The following C1GALT1 variants were observed in gnomAD, a reference collection of about 807,000 sequenced individuals.
The protein encoded by C1GALT1 is glycoprotein-N-acetylgalactosamine 3-beta-galactosyltransferase 1.
In C1GALT1, 11 loss-of-function variants were observed where a neutral mutation model predicts 31.0. The ratio of observed to expected loss-of-function variants is 0.36; its 90% CI spans 0.22 to 0.59. The LOEUF is 0.59. Among genes scored for constraint, C1GALT1 ranks in the 20% least tolerant of loss-of-function variants. C1GALT1 has a pLI of 0.79. For synonymous variants in C1GALT1, 175 were observed against 143.6 expected, an observed-to-expected ratio of 1.22 and a Z score of -1.56; for missense variants, 424 against 425.2, an observed-to-expected ratio of 1.00 and a Z score of 0.03.
At chr7:7,219,889 T>C (rs1278826324) in intron 1 of C1GALT1, among the ~76,000 whole-genome samples, 1 of 152,208 alleles carries the variant, frequency 6.6e-6, no homozygotes, top group Non-Finnish European at 1.5e-5. Flanking sequence ...CTAATATGTT[T>C]TCATAATAAA....
At chr7:7,164,468 A>T (rs902692881) in intron 2 of C1GALT1, among the ~76,000 whole-genome samples, 2 of 152,142 alleles carry the variant, frequency 1.3e-5, no homozygotes, top group Admixed American at 6.6e-5. Context: ...CTTGCTTTAC[A>T]TTTTGCCATA....
chr7:7,174,285 T>A (rs745763911), intron 2 of C1GALT1, among the ~76,000 whole-genome samples: 1 of 152,220 alleles, frequency 6.6e-6, no homozygotes, highest in Non-Finnish European at 1.5e-5. Flanking sequence ...CGCATCTTGG[T>A]TACTTTCAAG....
intron 1 of C1GALT1, among the ~76,000 whole-genome samples, chr7:7,189,943 T>C (rs927719167): frequency 1.3e-5 from 2 of 152,198 alleles, no homozygotes; most frequent in Non-Finnish European, 2.9e-5. Flanking sequence ...ACCTTTTTCT[T>C]GATTTGAAAT....
At chr7:7,197,053 C>T (rs1781321700) in intron 1 of C1GALT1, among the ~76,000 whole-genome samples, 1 of 152,130 alleles carries the variant, frequency 6.6e-6, no homozygotes, top group African/African-American at 2.4e-5. Context: ...TTAATTAGAT[C>T]CCATTTGTCT....
At chr7:7,191,393 C>T (rs79765452) in intron 1 of C1GALT1, among the ~76,000 whole-genome samples, 4,999 of 152,180 alleles carry the variant, frequency 0.033, 182 homozygotes, top group African/African-American at 0.091. Flanking sequence ...CCTCAGTGAA[C>T]ACGTGGTTTG....
chr7:7,188,761 A>T (rs1354489209), intron 1 of C1GALT1, among the ~76,000 whole-genome samples: 1 of 145,374 alleles, frequency 6.9e-6, no homozygotes, highest in African/African-American at 2.6e-5. Context: ...ATTGTCTTAA[A>T]AAATAAACCT....
chr7:7,164,118 G>C (rs1217075205), intron 2 of C1GALT1, among the ~76,000 whole-genome samples: 1 of 152,042 alleles, frequency 6.6e-6, no homozygotes, highest in Non-Finnish European at 1.5e-5. Flanking sequence ...CCAGAACAGA[G>C]ATATAGATCA....
At chr7:7,197,410 T>C (rs1781340117) in intron 1 of C1GALT1, among the ~76,000 whole-genome samples, 1 of 152,188 alleles carries the variant, frequency 6.6e-6, no homozygotes, top group Non-Finnish European at 1.5e-5. Context: ...TATCTCTGTT[T>C]TTGTACCAGT....
chr7:7,167,634 C>T (rs1321280863), intron 2 of C1GALT1, among the ~76,000 whole-genome samples: 2 of 151,702 alleles, frequency 1.3e-5, no homozygotes, highest in African/African-American at 2.4e-5. Flanking sequence ...TCTTTTCAAG[C>T]AGAATCTGTG....
chr7:7,188,057 A>T (rs977038267), intron 1 of C1GALT1, among the ~76,000 whole-genome samples: 1 of 152,144 alleles, frequency 6.6e-6, no homozygotes, highest in Non-Finnish European at 1.5e-5. Flanking sequence ...GAGGTTAGAT[A>T]TTGTAATAGC....
At chr7:7,174,097 C>T (rs931748691) in intron 2 of C1GALT1, among the ~76,000 whole-genome samples, 3 of 151,814 alleles carry the variant, frequency 2.0e-5, no homozygotes, top group Admixed American at 6.6e-5. Flanking sequence ...GGCCTTTCCT[C>T]GTGTATGCTG....
chr7:7,194,550 G>A (rs1201193021), intron 1 of C1GALT1, among the ~76,000 whole-genome samples: 2 of 152,062 alleles, frequency 1.3e-5, no homozygotes, highest in African/African-American at 4.8e-5. Flanking sequence ...TTATCTTTCT[G>A]ATATGCTGTT....
At chr7:7,220,995 A>AACGT (rs1782487627) in intron 1 of C1GALT1, among the ~76,000 whole-genome samples, 1 of 151,640 alleles carries the variant, frequency 6.6e-6, no homozygotes, top group African/African-American at 2.4e-5. Context: ...CCTCTCTCTG[A>AACGT]AAGTTTGCAG....
chr7:7,245,706 T>C lies in C1GALT1; in HGVS notation c.*1979T>C, dbSNP rs912919580. ...ACCATGGTGTGGACATGAATTTTCATATGTGTTACTTGACTAGAAGTATAA... is the reference window on the plus strand; with the variant it reads ...ACCATGGTGTGGACATGAATTTTCACATGTGTTACTTGACTAGAAGTATAA... On this transcript the variant is annotated 3_prime_UTR_variant, in exon 4 of 4. Transcript: ENST00000436587. The C allele has an allele frequency of 1.6e-4, 24 of 152,220 alleles. No individual in the cohort carries two copies. Among genetic ancestry groups the C allele is most frequent in the African/African-American group, 5.5e-4 (23 of 41,450 alleles). The allele number at this position is 152,220 out of a possible 1,614,324, so 9.4% of individuals were successfully genotyped here.
At chr7:7,158,490 C>G (rs2128226099) in intron 2 of C1GALT1, among the ~76,000 whole-genome samples, 1 of 152,078 alleles carries the variant, frequency 6.6e-6, no homozygotes, top group Admixed American at 6.6e-5. Context: ...ATTTCCATAT[C>G]TGAGTATAAC....
intron 1 of C1GALT1, among the ~76,000 whole-genome samples, chr7:7,201,333 A>T (rs1781522429): frequency 6.6e-6 from 1 of 152,184 alleles, no homozygotes; most frequent in Non-Finnish European, 1.5e-5. Context: ...GTTGCAGAAC[A>T]GAGATGTTGC....
intron 1 of C1GALT1, among the ~76,000 whole-genome samples, chr7:7,215,354 A>G (rs777830837): frequency 2.3e-4 from 35 of 152,188 alleles, no homozygotes; most frequent in Admixed American, 3.9e-4. Flanking sequence ...TTTACAGAGA[A>G]TATAAACAAT....
chr7:7,234,602 CCTGT>C lies in C1GALT1; in HGVS notation c.220+68_220+71del, dbSNP rs778692773. ...ATTTTAGTCTAAATTTTGTCATATT[CCTGT>C]CTGTATCTGTTAATTAAAATGGGCT... On this transcript the variant is annotated intron_variant, in intron 2 of 3. Transcript: ENST00000436587. The C allele has an allele frequency of 6.2e-4, 756 of 1,226,092 alleles. 1 individual carries two copies. Among genetic ancestry groups the C allele is most frequent in the Non-Finnish European group, 8.1e-4 (688 of 854,186 alleles). 76.0% of individuals were successfully genotyped at this position (1,226,092 alleles called of 1,614,324 possible). A position where few individuals can be genotyped will look rare whatever the true frequency, so the allele number is the denominator to read the frequency against.
At chr7:7,210,054 C>G (rs911835780) in intron 1 of C1GALT1, among the ~76,000 whole-genome samples, 1 of 152,080 alleles carries the variant, frequency 6.6e-6, no homozygotes, top group African/African-American at 2.4e-5. Context: ...GCCATTTTCA[C>G]TTCTTTTGTG....
Sources: allele counts gnomAD v4.1 joint callset (sites outside exome capture counted in the v4.1 genomes callset), GRCh38; gene constraint gnomAD v4.1.1; transcripts MANE v1.5; gene names NCBI Gene and HGNC (gene_info 2026-07-23, HGNC 2026-07-21).